Variants in CNTN3 observed in about 807,000 individuals in gnomAD.
CNTN3 encodes contactin-3.
A neutral mutation model predicts 119.1 loss-of-function variants in CNTN3; 60 were observed. The ratio of observed to expected loss-of-function variants is 0.50; its 90% CI spans 0.41 to 0.62. The LOEUF is 0.62. CNTN3 is among the 20% of genes least tolerant of loss of function. The pLI is 0.00. For missense variants in CNTN3, 1,101 were observed against 1,242.4 expected (o/e 0.89, Z 1.71); for synonymous variants, 450 against 438.7 (o/e 1.03, Z -0.32).
chr3:74,391,823 A>T (rs1001090611), intron 5 of CNTN3, among the ~76,000 whole-genome samples: 5 of 152,042 alleles, frequency 3.3e-5, no homozygotes, highest in Non-Finnish European at 5.9e-5. Flanking sequence ...ACGCCCGGCT[A>T]ATTTTTTGTA....
chr3:74,575,784 C>G (rs1182062675), intron 1 of CNTN3, among the ~76,000 whole-genome samples: 2 of 151,998 alleles, frequency 1.3e-5, no homozygotes, highest in African/African-American at 4.8e-5. Context: ...TGAAATTGTT[C>G]TAAGAGGCTT....
intron 4 of CNTN3, among the ~76,000 whole-genome samples, chr3:74,483,939 T>C (rs1174616889): frequency 1.3e-5 from 2 of 152,146 alleles, no homozygotes; most frequent in Non-Finnish European, 2.9e-5. Context: ...TTGTCATACA[T>C]GTCGTATTCT....
chr3:74,412,465 T>C (rs758556995), intron 5 of CNTN3, among the ~76,000 whole-genome samples: 4 of 152,184 alleles, frequency 2.6e-5, no homozygotes, highest in Admixed American at 6.6e-5. Flanking sequence ...ATTAGCTTCG[T>C]TTGGAATTAT....
intron 1 of CNTN3, among the ~76,000 whole-genome samples, chr3:74,536,654 A>G (rs7634240): frequency 0.037 from 5,633 of 152,182 alleles, 139 homozygotes; most frequent in South Asian, 0.069. Flanking sequence ...TGTTCAGAGC[A>G]TGGACTCCAC....
At chr3:74,444,926 A>T (rs1702024536) in intron 4 of CNTN3, among the ~76,000 whole-genome samples, 1 of 152,176 alleles carries the variant, frequency 6.6e-6, no homozygotes, top group Non-Finnish European at 1.5e-5. Context: ...GTAGCACCAA[A>T]ATCTCTTCCC....
intron 5 of CNTN3, among the ~76,000 whole-genome samples, chr3:74,419,382 A>G (rs1701582104): frequency 8.3e-6 from 1 of 119,864 alleles, no homozygotes; most frequent in Non-Finnish European, 1.8e-5. Context: ...TTTTCAGTCT[A>G]TCCATCTTGG....
intron 5 of CNTN3, 64 bp downstream of exon 5, chr3:74,424,781 A>G: frequency 7.7e-7 from 1 of 1,301,078 alleles, no homozygotes; most frequent in Non-Finnish European, 1.1e-6. Context: ...ATAACAGTAC[A>G]TGCGCTGCAG....
intron 13 of CNTN3, among the ~76,000 whole-genome samples, chr3:74,311,862 T>C (rs1702692126): frequency 6.6e-6 from 1 of 152,126 alleles, no homozygotes; most frequent in Non-Finnish European, 1.5e-5. Flanking sequence ...GACAGACAGG[T>C]GGATACAGAT....
chr3:74,412,068 T>G (rs764087863), intron 5 of CNTN3, among the ~76,000 whole-genome samples: 1 of 152,304 alleles, frequency 6.6e-6, no homozygotes, highest in East Asian at 1.9e-4. Context: ...TTAGGTATAG[T>G]TCTGCTTAGT....
At chr3:74,521,237 A>G (rs1703538200) in intron 1 of CNTN3, 45 bp from the exon 2 acceptor site, 3 of 436,838 alleles carry the variant, frequency 6.9e-6, no homozygotes, top group South Asian at 1.5e-4. Flanking sequence ...AAAAAAAAAA[A>G]AGCTGCTTTA....
intron 5 of CNTN3, among the ~76,000 whole-genome samples, chr3:74,418,611 G>A (rs1370120508): frequency 4.0e-5 from 6 of 151,710 alleles, no homozygotes; most frequent in Non-Finnish European, 5.9e-5. Flanking sequence ...AAAATGTTAG[G>A]ATTACAGGCA....
At chr3:74,432,082 G>T (rs538470646) in intron 4 of CNTN3, among the ~76,000 whole-genome samples, 1 of 152,266 alleles carries the variant, frequency 6.6e-6, no homozygotes, top group South Asian at 2.1e-4. Flanking sequence ...ATGTTGAAAT[G>T]CTTAGTGATT....
At position 74,285,476 on chromosome 3, in the gene CNTN3, C is replaced by T; in HGVS notation, c.2533G>A (p.Gly845Arg). The T allele has an allele frequency of 1.2e-6, 2 of 1,611,058 alleles. No individual in the cohort carries two copies. Among genetic ancestry groups the T allele is most frequent in the Non-Finnish European group, 1.7e-6 (2 of 1,178,684 alleles). Residue 845 changes from glycine (G) to arginine (R), a missense_variant, in exon 20 of 23, where the codon GGG becomes AGG. Transcript: ENST00000263665. Reference sequence around the variant, plus strand: ...CTGGATGATTCCTCCTTTCCACCCCCATTCCAGTACCGCACCTGGTGGGCG... The same window carrying T: ...CTGGATGATTCCTCCTTTCCACCCCTATTCCAGTACCGCACCTGGTGGGCG... ...LLGYEVRYWN[G>R]GGKEESSSKM... is the part of the protein sequence containing the mutation.
At chr3:74,507,295 A>G (rs903101477) in intron 2 of CNTN3, among the ~76,000 whole-genome samples, 1 of 152,066 alleles carries the variant, frequency 6.6e-6, no homozygotes, top group African/African-American at 2.4e-5. Context: ...GTGCATGCCT[A>G]TAGTCCCAGT....
intron 5 of CNTN3, among the ~76,000 whole-genome samples, chr3:74,374,118 G>A (rs1704412499): frequency 6.6e-6 from 1 of 152,008 alleles, no homozygotes; most frequent in South Asian, 2.1e-4. Context: ...GGGCAATTTT[G>A]GCTCGGCAAC....
chr3:74,381,829 A>G (rs1704631259), intron 5 of CNTN3, among the ~76,000 whole-genome samples: 1 of 152,224 alleles, frequency 6.6e-6, no homozygotes, highest in African/African-American at 2.4e-5. Context: ...AGAAATATGC[A>G]TGAAGAAATA....
chr3:74,277,295 C>A (rs1433595893), intron 20 of CNTN3, among the ~76,000 whole-genome samples: 1 of 152,000 alleles, frequency 6.6e-6, no homozygotes, highest in Non-Finnish European at 1.5e-5. Flanking sequence ...AATACTAACA[C>A]CAGGAAAAGA....
intron 16 of CNTN3, among the ~76,000 whole-genome samples, chr3:74,300,563 A>G (rs1246746514): frequency 6.6e-6 from 1 of 152,186 alleles, no homozygotes; most frequent in Non-Finnish European, 1.5e-5. Context: ...TGTTGTGTGA[A>G]CAAATGACCA....
chr3:74,437,021 T>C (rs1246785716), intron 4 of CNTN3, among the ~76,000 whole-genome samples: 3 of 152,226 alleles, frequency 2.0e-5, no homozygotes, highest in Non-Finnish European at 4.4e-5. Context: ...TATATACCTT[T>C]TAAAAATGAT....
Sources: allele counts gnomAD v4.1 joint callset (sites outside exome capture counted in the v4.1 genomes callset), GRCh38; gene constraint gnomAD v4.1.1; transcripts MANE v1.5; gene names NCBI Gene and HGNC (gene_info 2026-07-23, HGNC 2026-07-21).